The following SNTA1 variants were observed in gnomAD, a reference collection of about 807,000 sequenced individuals.
SNTA1 encodes the protein alpha-1-syntrophin.
SNTA1 carries 31 observed loss-of-function variants against 47.1 expected under a neutral mutation model. The ratio of observed to expected loss-of-function variants is 0.66; its 90% CI spans 0.49 to 0.89. The LOEUF (loss-of-function observed/expected upper bound fraction) is 0.89. Ranked by LOEUF, SNTA1 falls within the 40% of genes least tolerant of loss-of-function variation. The pLI is 0.00. For missense variants in SNTA1, 575 were observed against 693.0 expected, an observed-to-expected ratio of 0.83 and a Z score of 1.91; for synonymous variants, 300 against 313.6, an observed-to-expected ratio of 0.96 and a Z score of 0.46.
chr20:33,408,134 A>C lies in SNTA1; in HGVS notation c.*373T>G, dbSNP rs924218565. 2.2e-5 allele frequency: 7 copies of C among 321,436 alleles called. No homozygotes were observed. In the South Asian group the frequency reaches 2.2e-4, roughly 10 times the overall value. The allele number at this position is 321,436 out of a possible 1,614,324, so 19.9% of individuals were successfully genotyped here. ...TGACCCCAGGGTACTCCAGCTTCAG[A>C]TGGGACCTCTGGGGGTGGCTTAGGG... On this transcript the variant is annotated 3_prime_UTR_variant, in exon 8 of 8. Transcript: ENST00000217381.
intron 3 of SNTA1, 131 bp downstream of exon 3, chr20:33,417,588 A>AT (rs753320905): frequency 1.4e-6 from 1 of 712,558 alleles, no homozygotes. Flanking sequence ...CAGTCAATCT[A>AT]TTTTTTAAGC....
chr20:33,419,456 T>C (rs896905943), intron 2 of SNTA1, among the ~76,000 whole-genome samples: 4 of 152,168 alleles, frequency 2.6e-5, no homozygotes, highest in Non-Finnish European at 5.9e-5. Context: ...ACAAACCCTA[T>C]TGGGGTTGGG....
intron 2 of SNTA1, among the ~76,000 whole-genome samples, chr20:33,431,718 C>T (rs1322690049): frequency 6.6e-6 from 1 of 152,110 alleles, no homozygotes; most frequent in Admixed American, 6.5e-5. Flanking sequence ...CACTGTACTC[C>T]AGCCTGGGCA....
chr20:33,428,685 C>T (rs1314050391), intron 2 of SNTA1, among the ~76,000 whole-genome samples: 1 of 152,004 alleles, frequency 6.6e-6, no homozygotes, highest in Non-Finnish European at 1.5e-5. Context: ...AAGCAATCCT[C>T]CTACCCAGCC....
intron 1 of SNTA1, among the ~76,000 whole-genome samples, chr20:33,440,892 A>G (rs1990562173): frequency 6.6e-6 from 1 of 152,212 alleles, no homozygotes. Flanking sequence ...CAAGTCGGCT[A>G]TTCCTATGGC....
chr20:33,430,334 G>T (rs1460548311), intron 2 of SNTA1, among the ~76,000 whole-genome samples: 17 of 147,982 alleles, frequency 1.1e-4, no homozygotes, highest in African/African-American at 4.0e-4. Context: ...TGTCGCCCAG[G>T]CTGGAGTGCC....
intron 2 of SNTA1, among the ~76,000 whole-genome samples, chr20:33,436,732 G>T (rs941634825): frequency 6.6e-6 from 1 of 151,980 alleles, no homozygotes; most frequent in Non-Finnish European, 1.5e-5. Flanking sequence ...GGAGGCCGAG[G>T]CAGGCAGATC....
intron 5 of SNTA1, among the ~76,000 whole-genome samples, chr20:33,411,552 C>T (rs1374387548): frequency 1.3e-5 from 2 of 152,198 alleles, no homozygotes; most frequent in Non-Finnish European, 2.9e-5. Flanking sequence ...CCACTTCCAT[C>T]CTGCACTCTC....
chr20:33,423,088 G>C (rs974610160), intron 2 of SNTA1, among the ~76,000 whole-genome samples: 1 of 152,178 alleles, frequency 6.6e-6, no homozygotes, highest in East Asian at 1.9e-4. Flanking sequence ...TACGCTACAT[G>C]CTCAGCAAAT....
chr20:33,422,945 C>T (rs1403614828), intron 2 of SNTA1, among the ~76,000 whole-genome samples: 3 of 152,090 alleles, frequency 2.0e-5, no homozygotes, highest in South Asian at 4.2e-4. Context: ...CCATCACCTC[C>T]GCAGTCCCCT....
intron 1 of SNTA1, among the ~76,000 whole-genome samples, chr20:33,441,788 A>C (rs574306621): frequency 4.6e-5 from 7 of 152,272 alleles, no homozygotes; most frequent in African/African-American, 1.7e-4. Flanking sequence ...TCTGAGTCTC[A>C]GTGTGTCCAT....
chr20:33,423,293 C>T (rs1053144146), intron 2 of SNTA1, among the ~76,000 whole-genome samples: 2 of 152,168 alleles, frequency 1.3e-5, no homozygotes, highest in African/African-American at 4.8e-5. Flanking sequence ...CTGGGGGCCC[C>T]GGAGTGTGGC....
At chr20:33,440,512 G>A (rs1990553202) in intron 1 of SNTA1, among the ~76,000 whole-genome samples, 1 of 151,886 alleles carries the variant, frequency 6.6e-6, no homozygotes, top group Admixed American at 6.6e-5. Context: ...TGGGCCTGGT[G>A]GCACATGCCT....
At chr20:33,442,967 C>T (rs986054469) in intron 1 of SNTA1, among the ~76,000 whole-genome samples, 2 of 152,084 alleles carry the variant, frequency 1.3e-5, no homozygotes, top group Non-Finnish European at 2.9e-5. Flanking sequence ...GCCTCAACCC[C>T]CTTTCTCCAC....
intron 6 of SNTA1, 107 bp from the exon 7 acceptor site, chr20:33,408,995 G>T: frequency 1.0e-6 from 1 of 962,168 alleles, no homozygotes; most frequent in Non-Finnish European, 1.7e-6. Flanking sequence ...TGCCTCCAGG[G>T]ATGGGAGGCT....
intron 6 of SNTA1, 22 bp from the exon 7 acceptor site, chr20:33,408,910 A>G (rs764392566): frequency 3.1e-6 from 5 of 1,609,280 alleles, no homozygotes; most frequent in Non-Finnish European, 4.2e-6. Flanking sequence ...GCACATAGGT[A>G]CAGGCACAGC....
chr20:33,423,610 C>T (rs1990087238), intron 2 of SNTA1, among the ~76,000 whole-genome samples: 2 of 152,150 alleles, frequency 1.3e-5, no homozygotes, highest in Admixed American at 1.3e-4. Context: ...GGAGGGAAGC[C>T]AGGATCTGGC....
intron 3 of SNTA1, 149 bp downstream of exon 3, chr20:33,417,570 C>G (rs981009726): frequency 1.5e-6 from 1 of 669,780 alleles, no homozygotes; most frequent in Admixed American, 2.1e-5. Flanking sequence ...TGGCTTCACT[C>G]AGGCTTCCAG....
At position 33,441,870 on chromosome 20, in the gene SNTA1, A is replaced by C. The variant is rs140037419; in HGVS notation, c.310+1441T>G. ...CACTGAGTGTATAATTTTTGGATTC[A>C]TCTGTTGCCCTATCCCATGCTGGAG... is the stretch of plus-strand genomic sequence containing the variant. On this transcript the variant is annotated intron_variant, in intron 1 of 7. Transcript: ENST00000217381. Among the ~76,000 whole-genome samples the C allele has an allele frequency of 2.3e-3, 348 of 152,140 alleles. 1 individual carries two copies. The highest frequency in any genetic ancestry group is 7.8e-3 in the African/African-American group (324 of 41,502).
Sources: gnomAD v4.1 joint callset for allele counts (sites outside exome capture counted in the v4.1 genomes callset) on GRCh38, gnomAD v4.1.1 for gene constraint, MANE v1.5 for transcripts, NCBI Gene and HGNC (gene_info 2026-07-23, HGNC 2026-07-21) for gene names.